The following RNF183 variants were observed in gnomAD, a reference collection of about 807,000 sequenced individuals.
RNF183 encodes ring finger protein 183, also known as E3 ubiquitin-protein ligase RNF183.
RNF183 carries 4 observed loss-of-function variants against 9.0 expected under a neutral mutation model. That is an observed-to-expected ratio of 0.44 (90% CI 0.22 to 1.01). The LOEUF (loss-of-function observed/expected upper bound fraction) is 1.01, where lower values mean the gene tolerates loss of function less well. Ranked by LOEUF, RNF183 falls within the 50% of genes least tolerant of loss-of-function variation. The probability of loss-of-function intolerance (pLI) is 0.25; values close to 1 mark genes in which losing one functional copy is unlikely to be tolerated. For missense variants in RNF183, 227 were observed against 253.6 expected, an observed-to-expected ratio of 0.89 and a Z score of 0.71; for synonymous variants, 102 against 107.5, an observed-to-expected ratio of 0.95 and a Z score of 0.32.
At position 113,298,122 on chromosome 9, in the gene RNF183, G is replaced by A. The variant is rs1332334660; in HGVS notation, c.63C>T (p.Asn21=). ...GCATTTTGGGGGTATGGAACGTGTTGTTGAAGGGGTTCCAGCAGACGGGGC... is the reference window on the plus strand; with the variant it reads ...GCATTTTGGGGGTATGGAACGTGTTATTGAAGGGGTTCCAGCAGACGGGGC... ...AECPVCWNPF[N]NTFHTPKMLD... is the part of the protein sequence containing the mutation. Residue 21 remains asparagine, a synonymous_variant, in exon 5 of 5, where the codon AAC becomes AAT. Coordinates refer to ENST00000489339, the MANE Select transcript of RNF183 (RefSeq NM_001371237.1). This position sits in a 1 kb window ranked among gnomAD's most constrained non-coding sequence, Gnocchi z 4.9. The A allele has an allele frequency of 1.2e-6, 2 of 1,613,948 alleles. No individual in the cohort carries two copies. Among genetic ancestry groups the A allele is most frequent in the African/African-American group, 2.7e-5 (2 of 74,908 alleles).
chr9:113,300,745 G>A (rs989310982), intron 3 of RNF183, among the ~76,000 whole-genome samples: 5 of 152,252 alleles, frequency 3.3e-5, no homozygotes, highest in African/African-American at 9.6e-5. Context: ...TATAGTACTC[G>A]GGACCTGTGA....
rs1009761293 is a variant in RNF183 at position 113,298,522 on chromosome 9, T to G, written c.-37-301A>C. The G allele has an allele frequency of 3.4e-6, 1 of 290,666 alleles. No individual in the cohort carries two copies. Among genetic ancestry groups the G allele is most frequent in the Non-Finnish European group, 6.4e-6 (1 of 155,432 alleles). The allele number at this position is 290,666 out of a possible 1,614,324, so 18.0% of individuals were successfully genotyped here. On this transcript the variant is annotated intron_variant, in intron 4 of 4. Coordinates refer to ENST00000489339, the MANE Select transcript of RNF183 (RefSeq NM_001371237.1). The surrounding 1 kb of genome is among the most constrained non-coding windows in gnomAD (Gnocchi z 4.9). ...TGGACGCAAATGCTCCTTATGGTCA[T>G]TGTCTGTGCCCTTGGCTGCCCTGAA...
At chr9:113,299,319 G>C (rs1832843613) in intron 4 of RNF183, 1 of 152,332 alleles carries the variant, frequency 6.6e-6, no homozygotes, top group African/African-American at 2.4e-5. Context: ...GTCTGGAAAG[G>C]TAGGGTGGCA....
Position 113,298,000 on chromosome 9 carries a change from G to T in RNF183, c.185C>A (p.Pro62His). The change falls in exon 5 of 5, where the codon CCC becomes CAC. Residue 62 changes from proline to histidine, a missense_variant. Transcript: ENST00000489339. The part of the protein sequence containing the change: ...RRLLCPLCRQ[P>H]TVLASGQPVT... ...AGGCTGCCCTGAGGCCAGCACTGTG[G>T]GCTGGCGACAGAGTGGGCACAGCAG... is the stretch of plus-strand genomic sequence containing the variant. 1 of 1,614,012 alleles carries T rather than the reference G, an allele frequency of 6.2e-7. No individual in the cohort carries two copies. Among genetic ancestry groups the T allele is most frequent in the African/African-American group, 1.3e-5 (1 of 75,024 alleles).
In RNF183 at chr9:113,298,344, G is replaced by A. The variant is rs1832806058; in HGVS notation, c.-37-123C>T. The A allele has an allele frequency of 1.6e-6, 1 of 637,418 alleles. No homozygotes were observed. The highest frequency in any genetic ancestry group is 1.9e-5 in the South Asian group (1 of 52,102). The allele number at this position is 637,418 out of a possible 1,614,324, so 39.5% of individuals were successfully genotyped here. A position where few individuals can be genotyped will look rare whatever the true frequency, so the allele number is the denominator to read the frequency against. The stretch of plus-strand genomic sequence containing the variant: ...CACCACGTTTTACTTAGGTTCAAAA[G>A]CGTTTTGTTCTTGATCACCAGTTCC... On this transcript the variant is annotated intron_variant, in intron 4 of 4. Transcript: ENST00000489339. This position sits in a 1 kb window ranked among gnomAD's most constrained non-coding sequence, Gnocchi z 4.9.
chr9:113,301,721 G>C lies in RNF183; in HGVS notation c.-291C>G, dbSNP rs1452239597. ...CTTGACTCATCATTTCCCCCACTGGGAATCGATTCCACGGAAACCATCAAG... is the reference window on the plus strand; with the variant it reads ...CTTGACTCATCATTTCCCCCACTGGCAATCGATTCCACGGAAACCATCAAG... On this transcript the variant is annotated 5_prime_UTR_variant, in exon 3 of 5. Coordinates refer to ENST00000489339, the MANE Select transcript of RNF183 (RefSeq NM_001371237.1). The C allele has an allele frequency of 6.6e-6, 1 of 152,190 alleles. No individual in the cohort carries two copies. The highest frequency in any genetic ancestry group is 1.5e-5 in the Non-Finnish European group (1 of 68,038). 9.4% of individuals were successfully genotyped at this position (152,190 alleles called of 1,614,324 possible).
At position 113,297,257 on chromosome 9, in the gene RNF183, A is replaced by C. The variant is rs2118674788; in HGVS notation, c.*349T>G. On this transcript the variant is annotated 3_prime_UTR_variant, in exon 5 of 5. Transcript: ENST00000489339. ...AAAAAATATGCACTGATTTTGAAGC[A>C]GCTCCAGTGAGAAATGCAACTTGCT... 1 of 165,826 alleles carries C rather than the reference A, an allele frequency of 6.0e-6. No homozygotes were observed. Among genetic ancestry groups the C allele is most frequent in the South Asian group, 2.0e-4 (1 of 4,942 alleles). 10.3% of individuals were successfully genotyped at this position (165,826 alleles called of 1,614,324 possible).
Position 113,298,545 on chromosome 9 carries a change from G to A in RNF183, c.-37-324C>T, listed in dbSNP as rs1832815245. The stretch of plus-strand genomic sequence containing the variant: ...CATTGTCTGTGCCCTTGGCTGCCCT[G>A]AATCCAGGGAGCTGGGGGTAAGCTG... On this transcript the variant is annotated intron_variant, in intron 4 of 4. Coordinates refer to ENST00000489339, the MANE Select transcript of RNF183 (RefSeq NM_001371237.1). This position sits in a 1 kb window ranked among gnomAD's most constrained non-coding sequence, Gnocchi z 4.9. 1.6e-5 allele frequency: 4 copies of A among 250,184 alleles called. No homozygotes were observed. The highest frequency in any genetic ancestry group is 3.1e-5 in the Non-Finnish European group (4 of 130,618). 15.5% of individuals were successfully genotyped at this position (250,184 alleles called of 1,614,324 possible).
In RNF183 at chr9:113,303,198, T is replaced by C. The variant is rs973291688; in HGVS notation, c.-583A>G. The C allele has an allele frequency of 6.5e-6, 1 of 152,772 alleles. No homozygotes were observed. Among genetic ancestry groups the C allele is most frequent in the Admixed American group, 6.5e-5 (1 of 15,288 alleles). The allele number at this position is 152,772 out of a possible 1,614,324, so 9.5% of individuals were successfully genotyped here. ...GGTCTTAGCAGCGTTTGGCCAGCTC[T>C]CGCTGTTTCAGGTTTTCTTCTTCCT... On this transcript the variant is annotated 5_prime_UTR_variant, in exon 1 of 5. Coordinates refer to ENST00000489339, the MANE Select transcript of RNF183 (RefSeq NM_001371237.1).
intron 3 of RNF183, among the ~76,000 whole-genome samples, chr9:113,301,191 C>T (rs1036405201): frequency 3.3e-5 from 5 of 152,086 alleles, no homozygotes; most frequent in Non-Finnish European, 5.9e-5. Context: ...GCCCAGCACC[C>T]AGTAAAGACC....
At position 113,298,372 on chromosome 9, in the gene RNF183, AC is replaced by A; in HGVS notation, c.-37-152del. On this transcript the variant is annotated intron_variant, in intron 4 of 4. Transcript: ENST00000489339. The surrounding 1 kb of genome is among the most constrained non-coding windows in gnomAD (Gnocchi z 4.9). ...TTTTGTTCTTGATCACCAGTTCCTA[AC>A]CCATCGAGTTGAGTCAAATGCTCCT... The A allele has an allele frequency of 1.7e-6, 1 of 596,152 alleles. No homozygotes were observed. Among genetic ancestry groups the A allele is most frequent in the East Asian group, 2.8e-5 (1 of 35,384 alleles). 36.9% of individuals were successfully genotyped at this position (596,152 alleles called of 1,614,324 possible). A position where few individuals can be genotyped will look rare whatever the true frequency, so the allele number is the denominator to read the frequency against.
chr9:113,301,175 G>C (rs1211035559), intron 3 of RNF183, among the ~76,000 whole-genome samples: 1 of 152,140 alleles, frequency 6.6e-6, no homozygotes, highest in East Asian at 1.9e-4. Context: ...AAAGCTTTTA[G>C]TTAGAGCCCA....
chr9:113,297,814 G>C lies in RNF183; in HGVS notation c.371C>G (p.Pro124Arg), dbSNP rs758519782. The stretch of plus-strand genomic sequence containing the variant: ...TGGGGGCGGCCCAGTCTGGCCCCCA[G>C]GCTGGGGGCCAAGGTCCAGCGTGTA... ...QVYTLDLGPQ[P>R]GGQTGPPPDT... is the part of the protein sequence containing the mutation. The change falls in exon 5 of 5, where the codon CCT (proline) becomes CGT (arginine). Residue 124 changes from proline to arginine, a missense_variant. By Grantham distance (103) the Pro-to-Arg change is moderately radical (BLOSUM62 -2). Transcript: ENST00000489339. The C allele has an allele frequency of 6.8e-6, 11 of 1,610,528 alleles. No individual in the cohort carries two copies. The East Asian group carries it at 1.6e-4, about 23-fold the overall frequency.
In RNF183 at chr9:113,298,176, C is replaced by G; in HGVS notation, c.9G>C (p.Glu3Asp). 6.2e-7 allele frequency: 1 copy of G among 1,608,992 alleles called. No individual in the cohort carries two copies. ...CAGCCTCAAGCTCCCGGCCCTGCTG[C>G]TCAGCCATCCTCAGCCACACACGGG... The part of the protein sequence containing the change: MA[E>D]QQGRELEAEC... Residue 3 changes from glutamate to aspartate, a missense_variant, in exon 5 of 5, where the codon GAG becomes GAC. Coordinates refer to ENST00000489339, the MANE Select transcript of RNF183 (RefSeq NM_001371237.1). The surrounding 1 kb of genome is among the most constrained non-coding windows in gnomAD (Gnocchi z 4.9).
intron 4 of RNF183, 79 bp downstream of exon 4, chr9:113,299,493 A>G (rs1217487540): frequency 6.6e-6 from 1 of 152,182 alleles, no homozygotes; most frequent in Non-Finnish European, 1.5e-5. Flanking sequence ...GAAGCTTAAG[A>G]GCTCCGACTA....
At position 113,302,320 on chromosome 9, in the gene RNF183, A is replaced by T. The variant is rs1832942099; in HGVS notation, c.-440-7T>A. 6.6e-6 allele frequency: 1 copy of T among 152,140 alleles called. No individual in the cohort carries two copies. The highest frequency in any genetic ancestry group is 2.4e-5 in the African/African-American group (1 of 41,408). 9.4% of individuals were successfully genotyped at this position (152,140 alleles called of 1,614,324 possible). A position where few individuals can be genotyped will look rare whatever the true frequency, so the allele number is the denominator to read the frequency against. ...ACTGCTGTTTCAGGATCAGCTGGGG[A>T]GAGATTCTGGCCATGTATCACCTCC... On this transcript the variant is annotated splice_region_variant and splice_polypyrimidine_tract_variant and intron_variant, in intron 1 of 4. Coordinates refer to ENST00000489339, the MANE Select transcript of RNF183 (RefSeq NM_001371237.1).
Position 113,298,788 on chromosome 9 carries a change from C to T in RNF183, c.-37-567G>A, listed in dbSNP as rs1832824147. 1 of 152,860 alleles carries T rather than the reference C, an allele frequency of 6.5e-6. No homozygotes were observed. The highest frequency in any genetic ancestry group is 1.5e-5 in the Non-Finnish European group (1 of 68,580). The allele number at this position is 152,860 out of a possible 1,614,324, so 9.5% of individuals were successfully genotyped here. ...CAAGGAAGCCCCTGGAAAGGCCTTT[C>T]TCCTTACCTGGAAGCCTTGCAGAAG... On this transcript the variant is annotated intron_variant, in intron 4 of 4. Coordinates refer to ENST00000489339, the MANE Select transcript of RNF183 (RefSeq NM_001371237.1). This position sits in a 1 kb window ranked among gnomAD's most constrained non-coding sequence, Gnocchi z 4.9.
At position 113,297,442 on chromosome 9, in the gene RNF183, T is replaced by G; in HGVS notation, c.*164A>C. 1 of 540,936 alleles carries G rather than the reference T, an allele frequency of 1.8e-6. No individual in the cohort carries two copies. Among genetic ancestry groups the G allele is most frequent in the Non-Finnish European group, 3.2e-6 (1 of 310,824 alleles). The allele number at this position is 540,936 out of a possible 1,614,324, so 33.5% of individuals were successfully genotyped here. On this transcript the variant is annotated 3_prime_UTR_variant, in exon 5 of 5. Transcript: ENST00000489339. ...CAGTCCTTCAAGCTTTTCGTTTTTT[T>G]GTTTTTTTTTAAAATTGTTCCCAGA...
intron 3 of RNF183, among the ~76,000 whole-genome samples, chr9:113,300,062 G>A (rs1338070455): frequency 6.6e-6 from 1 of 152,206 alleles, no homozygotes; most frequent in Non-Finnish European, 1.5e-5. Context: ...GGGGATCTGG[G>A]GGAAGGGAGT....
Sources: allele counts gnomAD v4.1 joint callset (sites outside exome capture counted in the v4.1 genomes callset), GRCh38; gene constraint gnomAD v4.1.1; non-coding constraint Gnocchi (gnomAD v3.1); transcripts MANE v1.5; gene names NCBI Gene and HGNC (gene_info 2026-07-23, HGNC 2026-07-21).